DIP2C: variants seen among roughly 807,000 people sequenced by gnomAD.
DIP2C encodes DIP2 acetate--CoA ligase C (putative).
A neutral mutation model predicts 192.4 loss-of-function variants in DIP2C; 33 were observed. The ratio of observed to expected loss-of-function variants is 0.17; its 90% CI spans 0.13 to 0.23. The LOEUF is 0.23. DIP2C is among the 10% of genes least tolerant of loss of function. DIP2C has a pLI of 1.00. For synonymous variants in DIP2C, 979 were observed against 864.1 expected (o/e 1.13, Z -2.33); for missense variants, 1,537 against 2,110.1 (o/e 0.73, Z 5.32).
chr10:391,433 G>C (rs999137650), intron 10 of DIP2C, among the ~76,000 whole-genome samples: 9 of 152,222 alleles, frequency 5.9e-5, no homozygotes, highest in African/African-American at 9.6e-5. Context: ...GCTGAAACAG[G>C]CCACTGCTGT....
At chr10:555,603 T>C (rs1032278254) in intron 1 of DIP2C, among the ~76,000 whole-genome samples, 9 of 152,114 alleles carry the variant, frequency 5.9e-5, no homozygotes, top group Admixed American at 2.0e-4. Flanking sequence ...CAGGTGATCC[T>C]GTTGAGCCGT....
At chr10:315,134 T>G (rs1420991017) in intron 31 of DIP2C, among the ~76,000 whole-genome samples, 1 of 152,244 alleles carries the variant, frequency 6.6e-6, no homozygotes, top group African/African-American at 2.4e-5. Context: ...AAAATGAAGA[T>G]TCTTGCAGCA....
chr10:514,640 CCT>C (rs1357306596), intron 1 of DIP2C, among the ~76,000 whole-genome samples: 19 of 152,102 alleles, frequency 1.2e-4, no homozygotes, highest in African/African-American at 3.1e-4. Context: ...CCTCCTGGCC[CCT>C]GACACCGACC....
Position 414,888 on chromosome 10 carries a change from G to A in DIP2C, c.860-778C>T, listed in dbSNP as rs917542647. Among the ~76,000 whole-genome samples, 297 of 66,064 alleles carry A rather than the reference G, an allele frequency of 4.5e-3. 6 individuals are homozygous for A. Among genetic ancestry groups the A allele is most frequent in the Middle Eastern group, 0.011 (1 of 90 alleles). 43.3% of individuals were successfully genotyped at this position (66,064 alleles called of 152,430 possible). ...TGTGTGTGTGTGTGTGTGTGTGTGT[G>A]TGTATATATATATATATATTTTTTT... On this transcript the variant is annotated intron_variant, in intron 7 of 36. Coordinates refer to ENST00000280886, the MANE Select transcript of DIP2C (RefSeq NM_014974.3).
chr10:305,838 G>A (rs1956291191), intron 32 of DIP2C, among the ~76,000 whole-genome samples: 1 of 152,086 alleles, frequency 6.6e-6, no homozygotes. Context: ...TAGAGATGGA[G>A]TCTCGCTATG....
chr10:423,372 G>A (rs112127757), intron 4 of DIP2C, among the ~76,000 whole-genome samples: 285 of 152,328 alleles, frequency 1.9e-3, no homozygotes, highest in Non-Finnish European at 2.8e-3. Flanking sequence ...CAAGGGCCGC[G>A]TTTCCTAGGG....
intron 4 of DIP2C, among the ~76,000 whole-genome samples, chr10:435,112 C>T (rs1037272345): frequency 5.9e-5 from 9 of 152,096 alleles, no homozygotes; most frequent in Non-Finnish European, 1.3e-4. Context: ...ATTACCGTTC[C>T]GCATAATTTA....
intron 1 of DIP2C, among the ~76,000 whole-genome samples, chr10:555,166 T>G (rs1025899951): frequency 2.7e-5 from 4 of 150,398 alleles, no homozygotes; most frequent in Admixed American, 2.6e-4. Flanking sequence ...GACCCAAAAT[T>G]TAGTTTATGT....
In DIP2C at chr10:363,985, C is replaced by T. The variant is rs141091423; in HGVS notation, c.2477+389G>A. Among the ~76,000 whole-genome samples the T allele has an allele frequency of 0.012, 1,813 of 152,274 alleles. 35 individuals are homozygous for T. The highest frequency in any genetic ancestry group is 0.041 in the African/African-American group (1,719 of 41,548). On this transcript the variant is annotated intron_variant, in intron 20 of 36. Transcript: ENST00000280886. The surrounding 1 kb of genome is among the most constrained non-coding windows in gnomAD (Gnocchi z 5.4). The stretch of plus-strand genomic sequence containing the variant: ...GGCAGGGAGAAGAAAACTGGTAGAG[C>T]GGGGAGGTGGCGAGCGTCTGCACTC...
At chr10:403,999 A>G (rs1167804766) in intron 9 of DIP2C, among the ~76,000 whole-genome samples, 2 of 119,908 alleles carry the variant, frequency 1.7e-5, no homozygotes, top group Non-Finnish European at 3.5e-5. Flanking sequence ...CAGCACATGA[A>G]TCCTATGATT....
chr10:416,229 G>C (rs1965626922), intron 6 of DIP2C, among the ~76,000 whole-genome samples: 1 of 152,014 alleles, frequency 6.6e-6, no homozygotes. Flanking sequence ...CATTCCCACT[G>C]CCCCAGGCCC....
chr10:357,464 T>A (rs1486896589), intron 23 of DIP2C, among the ~76,000 whole-genome samples: 1 of 152,160 alleles, frequency 6.6e-6, no homozygotes, highest in Non-Finnish European at 1.5e-5. Context: ...CTGCCAGACA[T>A]TTGCCTCGGT....
At chr10:675,526 A>G (rs1447601508) in intron 1 of DIP2C, among the ~76,000 whole-genome samples, 2 of 152,106 alleles carry the variant, frequency 1.3e-5, no homozygotes, top group Non-Finnish European at 2.9e-5. Flanking sequence ...TAGACAAACC[A>G]TTAGCTACAC....
In DIP2C at chr10:366,257, A is replaced by G. The variant is rs745874493; in HGVS notation, c.2268+18T>C. On this transcript the variant is annotated intron_variant, in intron 19 of 36. Coordinates refer to ENST00000280886, the MANE Select transcript of DIP2C (RefSeq NM_014974.3). ...GGAGCCACAGATGGTGCCCATGGTA[A>G]GACTCTCCTCCACCTACCTCAAAGG... is the stretch of plus-strand genomic sequence containing the variant. 3.1e-6 allele frequency: 5 copies of G among 1,611,070 alleles called. No homozygotes were observed. The highest frequency in any genetic ancestry group is 4.2e-6 in the Non-Finnish European group (5 of 1,178,624).
chr10:371,624 C>A (rs148351685), intron 17 of DIP2C, among the ~76,000 whole-genome samples: 1 of 122,390 alleles, frequency 8.2e-6, no homozygotes, highest in Admixed American at 7.7e-5. Context: ...CAGGGCGGAT[C>A]GCTGAGCAGA....
At chr10:627,102 G>A (rs1854251438) in intron 1 of DIP2C, among the ~76,000 whole-genome samples, 1 of 152,244 alleles carries the variant, frequency 6.6e-6, no homozygotes, top group African/African-American at 2.4e-5. Flanking sequence ...AAATCCGCGT[G>A]GGGCTCAGAG....
At chr10:311,932 C>G (rs1409746645) in intron 31 of DIP2C, among the ~76,000 whole-genome samples, 3 of 152,194 alleles carry the variant, frequency 2.0e-5, no homozygotes, top group African/African-American at 7.2e-5. Context: ...TTCTGAGGGA[C>G]GCGGGAGTGC....
chr10:562,511 A>C (rs1564202433), intron 1 of DIP2C, among the ~76,000 whole-genome samples: 1 of 152,256 alleles, frequency 6.6e-6, no homozygotes, highest in Admixed American at 6.5e-5. Flanking sequence ...GAAATAGACG[A>C]AATTCCAATT....
intron 10 of DIP2C, among the ~76,000 whole-genome samples, chr10:393,399 C>T (rs146317962): frequency 4.4e-4 from 67 of 152,278 alleles, no homozygotes; most frequent in African/African-American, 1.3e-3. Context: ...TCTAAAGGCA[C>T]ACTTCTGAAA....
Sources: allele counts gnomAD v4.1 joint callset (sites outside exome capture counted in the v4.1 genomes callset), GRCh38; gene constraint gnomAD v4.1.1; non-coding constraint Gnocchi (gnomAD v3.1); transcripts MANE v1.5; gene names NCBI Gene and HGNC (gene_info 2026-07-23, HGNC 2026-07-21).